THSD4: variants seen among roughly 807,000 people sequenced by gnomAD.
The protein encoded by THSD4 is thrombospondin type-1 domain-containing protein 4.
THSD4 carries 69 observed loss-of-function variants against 119.0 expected under a neutral mutation model. The ratio of observed to expected loss-of-function variants is 0.58; its 90% confidence interval spans 0.48 to 0.71. The LOEUF is 0.71. Among genes scored for constraint, THSD4 ranks in the 30% least tolerant of loss-of-function variants. The probability of loss-of-function intolerance (pLI) is 0.00; values close to 1 mark genes in which losing one functional copy is unlikely to be tolerated. For synonymous variants in THSD4, 524 were observed against 540.4 expected, an observed-to-expected ratio of 0.97 and a Z score of 0.42; for missense variants, 1,393 against 1,391.1, an observed-to-expected ratio of 1.00 and a Z score of -0.02.
chr15:71,737,954 A>G lies in THSD4; in HGVS notation c.1853A>G (p.Asp618Gly). 1 of 1,614,050 alleles carries G rather than the reference A, an allele frequency of 6.2e-7. No homozygotes were observed. Among genetic ancestry groups the G allele is most frequent in the Non-Finnish European group, 8.5e-7 (1 of 1,179,926 alleles). The change falls in exon 11 of 18, where the codon GAT becomes GGT. Residue 618 changes from aspartate to glycine, a missense_variant. Physicochemically the swap from Asp to Gly is moderately conservative, Grantham distance 94. Coordinates refer to ENST00000261862, the MANE Select transcript of THSD4 (RefSeq NM_024817.3). ...CCGCAGCCCCCACGGCGCAGCCGGG[A>G]TCACAACTGGAAGCAGCTTGGGACA... is the stretch of plus-strand genomic sequence containing the variant. Reference protein sequence around the residue: ...PAPQPPRRSRDHNWKQLGTTE... With the variant: ...PAPQPPRRSRGHNWKQLGTTE...
intron 7 of THSD4, among the ~76,000 whole-genome samples, chr15:71,479,090 T>A (rs1400648333): frequency 1.2e-4 from 1 of 8,258 alleles, no homozygotes; most frequent in Non-Finnish European, 3.5e-4. Context: ...GTGTATTTTT[T>A]TTTTTTTTTT....
chr15:71,217,781 G>A (rs922108440), intron 4 of THSD4, among the ~76,000 whole-genome samples: 68 of 146,046 alleles, frequency 4.7e-4, no homozygotes, highest in African/African-American at 1.7e-3. Flanking sequence ...CCTGTACCAG[G>A]CACTGTTCTT....
At chr15:71,358,212 G>A (rs149466443) in intron 6 of THSD4, among the ~76,000 whole-genome samples, 5 of 152,256 alleles carry the variant, frequency 3.3e-5, no homozygotes, top group East Asian at 1.9e-4. Flanking sequence ...GTACGGCATC[G>A]GCCTCCCTCC....
chr15:71,673,839 G>A (rs1001312529), intron 8 of THSD4, among the ~76,000 whole-genome samples: 6 of 151,986 alleles, frequency 3.9e-5, no homozygotes, highest in African/African-American at 1.5e-4. Flanking sequence ...TCACTGCAAG[G>A]TCCGCCTCCC....
chr15:71,468,436 G>A (rs1327943849), intron 7 of THSD4, among the ~76,000 whole-genome samples: 1 of 152,100 alleles, frequency 6.6e-6, no homozygotes, highest in African/African-American at 2.4e-5. Flanking sequence ...TATGCTAAAA[G>A]TCCCATATTT....
chr15:71,343,893 G>A (rs2045615841), intron 6 of THSD4, among the ~76,000 whole-genome samples: 1 of 151,462 alleles, frequency 6.6e-6, no homozygotes, highest in South Asian at 2.1e-4. Flanking sequence ...TTTGTATTTT[G>A]TGTAGAGACT....
rs769785787 is a variant in THSD4 at position 71,682,438 on chromosome 15, CCT to C, written c.1357+21709_1357+21710del. On this transcript the variant is annotated intron_variant, in intron 8 of 17. Coordinates refer to ENST00000261862, the MANE Select transcript of THSD4 (RefSeq NM_024817.3). Reference sequence around the variant, plus strand: ...CTCCCAGAAGCCCCTTCCAGTGTCCCCTCTCTGTCACTAACCTCCCCACCGCA... The same window carrying C: ...CTCCCAGAAGCCCCTTCCAGTGTCCCCTCTGTCACTAACCTCCCCACCGCA... Among the ~76,000 whole-genome samples the C allele has an allele frequency of 5.2e-4, 79 of 152,304 alleles. No individual in the cohort carries two copies. In the Middle Eastern group the frequency reaches 0.01, roughly 20 times the overall value.
In THSD4 at chr15:71,419,135, ATTG is replaced by A. The variant is rs1224073941; in HGVS notation, c.1152+7315_1152+7317del. The stretch of plus-strand genomic sequence containing the variant: ...ACTTATCATTTTATTGACCTTTTGT[ATTG>A]TTTTCTTCATTTCAATTTCATTTAT... On this transcript the variant is annotated intron_variant, in intron 7 of 17. Transcript: ENST00000261862. Among the ~76,000 whole-genome samples the A allele has an allele frequency of 1.9e-5, 2 of 105,896 alleles. 1 individual carries two copies. The highest frequency in any genetic ancestry group is 4.1e-5 in the Non-Finnish European group (2 of 48,350). 69.5% of individuals were successfully genotyped at this position (105,896 alleles called of 152,430 possible).
At chr15:71,748,879 T>C (rs898545165) in intron 14 of THSD4, among the ~76,000 whole-genome samples, 1 of 152,212 alleles carries the variant, frequency 6.6e-6, no homozygotes, top group African/African-American at 2.4e-5. Flanking sequence ...CCATCGTTCA[T>C]ATGTCTTGTA....
At chr15:71,298,985 C>A (rs1009728951) in intron 6 of THSD4, among the ~76,000 whole-genome samples, 1 of 152,202 alleles carries the variant, frequency 6.6e-6, no homozygotes, top group Non-Finnish European at 1.5e-5. Flanking sequence ...CCCTGGTACA[C>A]CCTCAGCACC....
At chr15:71,376,286 C>G in intron 6 of THSD4, among the ~76,000 whole-genome samples, 1 of 152,170 alleles carries the variant, frequency 6.6e-6, no homozygotes. Flanking sequence ...GCTGCAGGCT[C>G]TCTTCTGATC....
chr15:71,685,337 G>A (rs2051885585), intron 8 of THSD4, among the ~76,000 whole-genome samples: 2 of 151,866 alleles, frequency 1.3e-5, no homozygotes, highest in Admixed American at 6.5e-5. Flanking sequence ...GAAGACCCCA[G>A]AGAGCTTTTG....
At chr15:71,231,925 C>T (rs1415549663) in intron 4 of THSD4, among the ~76,000 whole-genome samples, 1 of 152,152 alleles carries the variant, frequency 6.6e-6, no homozygotes, top group Non-Finnish European at 1.5e-5. Context: ...ACCATTTGCT[C>T]GCAGGCTCTT....
chr15:71,363,682 A>G (rs1243973284), intron 6 of THSD4, among the ~76,000 whole-genome samples: 1 of 152,224 alleles, frequency 6.6e-6, no homozygotes, highest in Non-Finnish European at 1.5e-5. Flanking sequence ...AACTGGTTCA[A>G]AGGAGAGAAC....
intron 7 of THSD4, among the ~76,000 whole-genome samples, chr15:71,463,915 A>G (rs1001874277): frequency 8.5e-5 from 13 of 152,280 alleles, no homozygotes; most frequent in Admixed American, 8.5e-4. Context: ...TACCTGTCAT[A>G]TGTTCCTGTG....
chr15:71,388,661 A>AGTGTGTGTGTGTGT (rs748438115), intron 6 of THSD4, among the ~76,000 whole-genome samples: 1 of 141,988 alleles, frequency 7.0e-6, no homozygotes, highest in African/African-American at 2.5e-5. Context: ...TTCTTTGGAG[A>AGTGTGTGTGTGTGT]GAGTGTGTGT....
At chr15:71,664,134 C>G (rs1219697981) in intron 8 of THSD4, among the ~76,000 whole-genome samples, 1 of 152,016 alleles carries the variant, frequency 6.6e-6, no homozygotes, top group Non-Finnish European at 1.5e-5. Context: ...AGGCGCTCAC[C>G]ACCATACCCG....
chr15:71,511,075 G>C (rs940108833), intron 7 of THSD4, among the ~76,000 whole-genome samples: 2 of 151,774 alleles, frequency 1.3e-5, no homozygotes, highest in Non-Finnish European at 2.9e-5. Context: ...GGAGAAGTCT[G>C]AGTACAGAGC....
At chr15:71,405,012 CT>C (rs1347280969) in intron 6 of THSD4, among the ~76,000 whole-genome samples, 11 of 152,168 alleles carry the variant, frequency 7.2e-5, no homozygotes, top group Admixed American at 3.9e-4. Context: ...CCTCAGCCTC[CT>C]GAGTTGCTGG....
Sources: gnomAD v4.1 joint callset for allele counts (sites outside exome capture counted in the v4.1 genomes callset) on GRCh38, gnomAD v4.1.1 for gene constraint, MANE v1.5 for transcripts, NCBI Gene and HGNC (gene_info 2026-07-23, HGNC 2026-07-21) for gene names.